CHD6: variants seen among roughly 807,000 people sequenced by gnomAD.
CHD6 encodes ATP-dependent chromatin remodeler CHD6.
CHD6 carries 50 observed loss-of-function variants against 276.9 expected under a neutral mutation model. That is an observed-to-expected ratio of 0.18 (90% CI 0.14 to 0.23). The LOEUF (loss-of-function observed/expected upper bound fraction) is 0.23. Among genes scored for constraint, CHD6 ranks in the 10% least tolerant of loss-of-function variants. CHD6 has a pLI of 1.00. For synonymous variants in CHD6, 1,173 were observed against 1,229.3 expected (o/e 0.95, Z 0.96); for missense variants, 2,564 against 3,365.8 (o/e 0.76, Z 5.89).
intron 9 of CHD6, 41 bp from the exon 10 acceptor site, chr20:41,493,713 T>A (rs201190691): frequency 3.9e-5 from 62 of 1,610,288 alleles, no homozygotes; most frequent in Admixed American, 2.2e-4. Flanking sequence ...TTCTATTAGG[T>A]TAAAGGAGTC....
intron 17 of CHD6, among the ~76,000 whole-genome samples, chr20:41,465,185 G>C (rs1347923349): frequency 6.6e-6 from 1 of 152,174 alleles, no homozygotes; most frequent in East Asian, 1.9e-4. Flanking sequence ...AAACAGGATA[G>C]AGTCTCAAAA....
chr20:41,617,049 G>A (rs1008203009), intron 1 of CHD6, among the ~76,000 whole-genome samples: 3 of 152,074 alleles, frequency 2.0e-5, no homozygotes, highest in African/African-American at 7.2e-5. Context: ...CATACCATCT[G>A]GGAAACAATA....
intron 8 of CHD6, among the ~76,000 whole-genome samples, chr20:41,494,932 T>C (rs1382996896): frequency 6.6e-6 from 1 of 152,158 alleles, no homozygotes; most frequent in Non-Finnish European, 1.5e-5. Flanking sequence ...TAACTTAACT[T>C]CCTTCCTTAT....
At chr20:41,433,427 C>T (rs77518270) in intron 27 of CHD6, among the ~76,000 whole-genome samples, 3,802 of 152,128 alleles carry the variant, frequency 0.025, 62 homozygotes, top group Non-Finnish European at 0.039. Flanking sequence ...TCATCAGAAA[C>T]CATGGAGGCC....
intron 36 of CHD6, among the ~76,000 whole-genome samples, chr20:41,407,032 G>T (rs1600781077): frequency 6.6e-6 from 1 of 152,156 alleles, no homozygotes; most frequent in Non-Finnish European, 1.5e-5. Context: ...TGGCTTCAAT[G>T]GATCTTGTCA....
intron 17 of CHD6, among the ~76,000 whole-genome samples, chr20:41,468,576 G>A (rs748519093): frequency 3.3e-5 from 5 of 152,232 alleles, no homozygotes; most frequent in Non-Finnish European, 7.3e-5. Flanking sequence ...CACCTGGCAT[G>A]TCCCAGTGAT....
At chr20:41,542,854 C>T (rs1200393417) in intron 2 of CHD6, among the ~76,000 whole-genome samples, 1 of 151,788 alleles carries the variant, frequency 6.6e-6, no homozygotes, top group African/African-American at 2.4e-5. Flanking sequence ...CCTGTAATCC[C>T]AGCACTTTGG....
At position 41,471,344 on chromosome 20, in the gene CHD6, T is replaced by G. The variant is rs1182635129; in HGVS notation, c.2664+1978A>C. 2.0e-5 allele frequency among the ~76,000 whole-genome samples: 3 copies of G among 152,196 alleles called. No homozygotes were observed. The East Asian group carries it at 5.8e-4, about 29-fold the overall frequency. On this transcript the variant is annotated intron_variant, in intron 17 of 36. Transcript: ENST00000373233. ...AAATATTAGTTTTTGCTTATTATTA[T>G]TTTAGTGTTGAGTGTGTTACTCCTT...
chr20:41,566,539 C>T (rs1051941288), intron 1 of CHD6, among the ~76,000 whole-genome samples: 18 of 152,178 alleles, frequency 1.2e-4, no homozygotes, highest in Admixed American at 2.6e-4. Context: ...GGTCCCCTAA[C>T]CAAACCTCCA....
intron 35 of CHD6, among the ~76,000 whole-genome samples, 178 bp downstream of exon 35, chr20:41,413,146 G>T (rs2046893449): frequency 6.6e-6 from 1 of 152,146 alleles, no homozygotes; most frequent in Non-Finnish European, 1.5e-5. Flanking sequence ...TATTACTGAA[G>T]AATTTAATCA....
In CHD6 at chr20:41,465,323, G is replaced by A. The variant is rs73123240; in HGVS notation, c.2665-7895C>T. On this transcript the variant is annotated intron_variant, in intron 17 of 36. Coordinates refer to ENST00000373233, the MANE Select transcript of CHD6 (RefSeq NM_032221.5). ...GAGTAATAAGATGTATTCATATCACGCATCCCCTGATACAATGCACTGAGG... is the reference window on the plus strand; with the variant it reads ...GAGTAATAAGATGTATTCATATCACACATCCCCTGATACAATGCACTGAGG... Among the ~76,000 whole-genome samples the A allele has an allele frequency of 1.0e-2, 1,518 of 152,280 alleles. 11 individuals carry two copies. Among genetic ancestry groups the A allele is most frequent in the Non-Finnish European group, 0.019 (1,265 of 68,022 alleles).
chr20:41,604,210 A>G (rs985064826), intron 1 of CHD6, among the ~76,000 whole-genome samples: 2 of 152,122 alleles, frequency 1.3e-5, no homozygotes, highest in Non-Finnish European at 2.9e-5. Flanking sequence ...GGAGCTGCTG[A>G]GTGTATGGCT....
At chr20:41,510,146 G>A (rs966428458) in intron 5 of CHD6, among the ~76,000 whole-genome samples, 3 of 152,284 alleles carry the variant, frequency 2.0e-5, no homozygotes, top group Admixed American at 2.0e-4. Flanking sequence ...CCCGGGAGAA[G>A]GATATAGGAA....
intron 1 of CHD6, among the ~76,000 whole-genome samples, chr20:41,567,275 C>T (rs1456935594): frequency 1.3e-5 from 2 of 152,126 alleles, no homozygotes; most frequent in Non-Finnish European, 2.9e-5. Context: ...CACTTAAGTC[C>T]CCCTTATCAA....
At position 41,497,391 on chromosome 20, in the gene CHD6, A is replaced by C; in HGVS notation, c.1085T>G (p.Phe362Cys). The C allele has an allele frequency of 1.2e-6, 2 of 1,608,412 alleles. No homozygotes were observed. The highest frequency in any genetic ancestry group is 2.2e-5 in the East Asian group (1 of 44,816). ...RNKQAQMKHI[F>C]TEPDEDLFNP... Reference sequence around the variant, plus strand: ...CAGTAAATATTGCTTCACCTCCGTAAAAATGTGCTTCATCTGGGCTTGTTT... The same window carrying C: ...CAGTAAATATTGCTTCACCTCCGTACAAATGTGCTTCATCTGGGCTTGTTT... Residue 362 changes from phenylalanine (F) to cysteine (C), a missense_variant, in exon 8 of 37, where the codon TTT (phenylalanine) becomes TGT (cysteine). Transcript: ENST00000373233.
Position 41,421,055 on chromosome 20 carries a change from A to T in CHD6, c.5580T>A (p.Ser1860Arg). Reference sequence around the variant, plus strand: ...CTTCCTCCTCATCACTGTGGTTCTGACTCAAAATCAATTTACTTTCTAAGC... The same window carrying T: ...CTTCCTCCTCATCACTGTGGTTCTGTCTCAAAATCAATTTACTTTCTAAGC... ...NKSLESKLIL[S>R]QNHSDEEEEE... Residue 1860 changes from serine to arginine, a missense_variant, in exon 31 of 37, where the codon AGT (serine) becomes AGA (arginine). Physicochemically the swap from Ser to Arg is moderately radical, Grantham distance 110 (BLOSUM62 -1). Coordinates refer to ENST00000373233, the MANE Select transcript of CHD6 (RefSeq NM_032221.5). 2 of 1,613,712 alleles carry T rather than the reference A, an allele frequency of 1.2e-6. No individual in the cohort carries two copies. The highest frequency in any genetic ancestry group is 1.7e-6 in the Non-Finnish European group (2 of 1,179,956).
chr20:41,419,289 A>G (rs2047102613), intron 31 of CHD6, among the ~76,000 whole-genome samples: 1 of 152,100 alleles, frequency 6.6e-6, no homozygotes, highest in African/African-American at 2.4e-5. Flanking sequence ...AAAAAGCTAG[A>G]TAACCTGAGG....
At chr20:41,515,067 A>C (rs1435020541) in intron 3 of CHD6, 115 bp from the exon 4 acceptor site, 3 of 1,024,086 alleles carry the variant, frequency 2.9e-6, no homozygotes, top group Non-Finnish European at 4.4e-6. Flanking sequence ...GCAGGCTTTA[A>C]TGGGGAATCT....
intron 27 of CHD6, among the ~76,000 whole-genome samples, chr20:41,432,097 T>C (rs1428461869): frequency 1.4e-5 from 2 of 145,684 alleles, no homozygotes; most frequent in African/African-American, 2.6e-5. Flanking sequence ...GAGGTGGAGA[T>C]TGCAGGGAGC....
Sources: gnomAD v4.1 joint callset for allele counts (sites outside exome capture counted in the v4.1 genomes callset) on GRCh38, gnomAD v4.1.1 for gene constraint, MANE v1.5 for transcripts, NCBI Gene and HGNC (gene_info 2026-07-23, HGNC 2026-07-21) for gene names.